The following KDM4C variants were observed in gnomAD, a reference collection of about 807,000 sequenced individuals.
The protein encoded by KDM4C is lysine-specific demethylase 4C.
KDM4C carries 81 observed loss-of-function variants against 129.3 expected under a neutral mutation model. That is an observed-to-expected ratio of 0.63 (90% CI 0.52 to 0.75). The LOEUF (loss-of-function observed/expected upper bound fraction) is 0.75, where lower values mean the gene tolerates loss of function less well. Ranked by LOEUF, KDM4C falls within the 30% of genes least tolerant of loss-of-function variation. The probability of loss-of-function intolerance (pLI) is 0.00; values close to 1 mark genes in which losing one functional copy is unlikely to be tolerated. For missense variants in KDM4C, 1,457 were observed against 1,304.0 expected, an observed-to-expected ratio of 1.12 and a Z score of -1.81; for synonymous variants, 573 against 456.1, an observed-to-expected ratio of 1.26 and a Z score of -3.26.
At chr9:6,733,810 C>G (rs559932117) in intron 1 of KDM4C, among the ~76,000 whole-genome samples, 1 of 152,198 alleles carries the variant, frequency 6.6e-6, no homozygotes, top group South Asian at 2.1e-4. Context: ...GTATGCTAAA[C>G]AAGGGGTGTA....
chr9:7,014,054 C>G (rs1329165240), intron 14 of KDM4C, 53 bp downstream of exon 14: 1 of 1,460,420 alleles, frequency 6.8e-7, no homozygotes, highest in Non-Finnish European at 9.5e-7. Context: ...TTCACATCAT[C>G]TTTATTTCTC....
intron 1 of KDM4C, among the ~76,000 whole-genome samples, chr9:6,777,692 C>T (rs953868291): frequency 3.3e-5 from 5 of 152,052 alleles, no homozygotes; most frequent in Non-Finnish European, 5.9e-5. Context: ...AGTGCAGTGG[C>T]GCGATCTTGG....
intron 2 of KDM4C, among the ~76,000 whole-genome samples, chr9:6,801,239 A>ATTTTTTTT (rs59151680): frequency 7.6e-5 from 5 of 65,738 alleles, no homozygotes; most frequent in East Asian, 4.8e-4. Flanking sequence ...GAGTAGGGAA[A>ATTTTTTTT]TTTTTTTTTT....
intron 19 of KDM4C, among the ~76,000 whole-genome samples, chr9:7,145,667 A>G (rs1407775254): frequency 6.6e-6 from 1 of 152,242 alleles, no homozygotes; most frequent in Admixed American, 6.5e-5. Flanking sequence ...TGTGAAGTCT[A>G]ACTGCTGCCT....
intron 2 of KDM4C, among the ~76,000 whole-genome samples, chr9:6,798,662 A>G (rs1439714902): frequency 6.6e-6 from 1 of 152,170 alleles, no homozygotes; most frequent in Non-Finnish European, 1.5e-5. Flanking sequence ...CACAGCAACC[A>G]TCCGATTTCT....
intron 19 of KDM4C, among the ~76,000 whole-genome samples, chr9:7,136,882 T>C (rs1456405175): frequency 6.6e-6 from 1 of 152,254 alleles, no homozygotes; most frequent in East Asian, 1.9e-4. Flanking sequence ...TTTGAGTTCA[T>C]GAAGTTTCAT....
At chr9:7,097,526 C>G (rs1366379292) in intron 17 of KDM4C, among the ~76,000 whole-genome samples, 3 of 152,156 alleles carry the variant, frequency 2.0e-5, no homozygotes, top group Non-Finnish European at 4.4e-5. Flanking sequence ...TAGAGTCATA[C>G]CTGCTTCCTT....
intron 6 of KDM4C, among the ~76,000 whole-genome samples, chr9:6,885,140 C>T (rs1247425323): frequency 1.3e-5 from 2 of 152,082 alleles, no homozygotes; most frequent in African/African-American, 4.8e-5. Context: ...AACACATTTC[C>T]AATACCCCAA....
Position 6,830,859 on chromosome 9 carries a change from A to G in KDM4C, c.435+16114A>G, listed in dbSNP as rs988748463. Among the ~76,000 whole-genome samples, 10 of 152,224 alleles carry G rather than the reference A, an allele frequency of 6.6e-5. No individual in the cohort carries two copies. In the East Asian group the frequency reaches 7.7e-4, roughly 12 times the overall value. On this transcript the variant is annotated intron_variant, in intron 4 of 21. Transcript: ENST00000381309. ...ATCTGACATTGCTTTAAGAAATAGC[A>G]GCTGTAGAGAAAATGAAGCAAGGTG...
At chr9:7,020,109 T>G (rs903748554) in intron 15 of KDM4C, among the ~76,000 whole-genome samples, 5 of 152,172 alleles carry the variant, frequency 3.3e-5, no homozygotes, top group African/African-American at 9.7e-5. Flanking sequence ...TCCCATTTTC[T>G]TACTTTTCCA....
At chr9:6,784,877 A>G (rs1398331750) in intron 1 of KDM4C, among the ~76,000 whole-genome samples, 1 of 152,200 alleles carries the variant, frequency 6.6e-6, no homozygotes, top group African/African-American at 2.4e-5. Flanking sequence ...GCTAACGATT[A>G]ATGGAGAGTT....
chr9:6,781,092 G>C (rs1343381499), intron 1 of KDM4C, among the ~76,000 whole-genome samples: 1 of 152,154 alleles, frequency 6.6e-6, no homozygotes, highest in Non-Finnish European at 1.5e-5. Flanking sequence ...TCCCGGGGAA[G>C]TGATTGTGCC....
intron 4 of KDM4C, among the ~76,000 whole-genome samples, chr9:6,822,588 T>C (rs1380561230): frequency 6.6e-6 from 1 of 152,228 alleles, no homozygotes; most frequent in Non-Finnish European, 1.5e-5. Flanking sequence ...ACTTAAGATC[T>C]GGATTTTTTT....
chr9:6,986,547 A>T lies in KDM4C; in HGVS notation c.1558A>T (p.Ser520Cys). The change falls in exon 11 of 22, where the codon AGT (serine) becomes TGT (cysteine). Residue 520 changes from serine (S) to cysteine (C), a missense_variant. Transcript: ENST00000381309. ...SPESCSSVAE[S>C]NGVLTEGEES... is the part of the protein sequence containing the mutation. ...TGAGTCATGCTCATCAGTGGCAGAGAGTAATGGTGTGTTAACAGAGGGAGA... is the reference window on the plus strand; with the variant it reads ...TGAGTCATGCTCATCAGTGGCAGAGTGTAATGGTGTGTTAACAGAGGGAGA... 6.2e-7 allele frequency: 1 copy of T among 1,614,114 alleles called. No homozygotes were observed. Among genetic ancestry groups the T allele is most frequent in the Non-Finnish European group, 8.5e-7 (1 of 1,180,018 alleles).
chr9:6,798,067 A>T (rs1280079738), intron 2 of KDM4C, among the ~76,000 whole-genome samples: 1 of 152,148 alleles, frequency 6.6e-6, no homozygotes, highest in African/African-American at 2.4e-5. Flanking sequence ...TTAAAATAAG[A>T]TTTTTGTTAT....
At chr9:6,927,812 C>T (rs1589148077) in intron 8 of KDM4C, among the ~76,000 whole-genome samples, 1 of 152,170 alleles carries the variant, frequency 6.6e-6, no homozygotes, top group African/African-American at 2.4e-5. Flanking sequence ...TTTCCTTGCC[C>T]CTTCCCACTT....
At chr9:6,831,062 T>C (rs1834726874) in intron 4 of KDM4C, among the ~76,000 whole-genome samples, 2 of 152,258 alleles carry the variant, frequency 1.3e-5, no homozygotes, top group African/African-American at 4.8e-5. Context: ...TACTCACTTT[T>C]CCTTTTGTTA....
intron 8 of KDM4C, among the ~76,000 whole-genome samples, chr9:6,940,998 T>G (rs771497577): frequency 5.9e-5 from 9 of 152,114 alleles, no homozygotes; most frequent in Non-Finnish European, 1.2e-4. Context: ...CTGTTTAGAC[T>G]GATTCCCTCA....
chr9:6,787,610 G>C (rs1825755625), intron 1 of KDM4C, among the ~76,000 whole-genome samples: 1 of 152,196 alleles, frequency 6.6e-6, no homozygotes, highest in Non-Finnish European at 1.5e-5. Context: ...ATTTTGTTCA[G>C]AATGTATTTG....
Sources: gnomAD v4.1 joint callset for allele counts (sites outside exome capture counted in the v4.1 genomes callset) on GRCh38, gnomAD v4.1.1 for gene constraint, MANE v1.5 for transcripts, NCBI Gene and HGNC (gene_info 2026-07-23, HGNC 2026-07-21) for gene names.